FGF14: variants seen among roughly 807,000 people sequenced by gnomAD.
FGF14 encodes fibroblast growth factor homologous factor 4.
Under a neutral mutation model 25.5 loss-of-function variants are expected in FGF14, and 5 were observed. The observed-to-expected ratio is 0.20, with a 90% CI of 0.10 to 0.41. The LOEUF (loss-of-function observed/expected upper bound fraction) is 0.41. Among genes scored for constraint, FGF14 ranks in the 10% least tolerant of loss-of-function variants. The pLI, the probability that FGF14 is intolerant of heterozygous loss-of-function variation, is 1.00. For synonymous variants in FGF14, 138 were observed against 118.3 expected (o/e 1.17, Z -1.08); for missense variants, 222 against 320.1 (o/e 0.69, Z 2.34).
At chr13:102,343,232 G>C (rs2057005527) in intron 1 of FGF14, among the ~76,000 whole-genome samples, 1 of 152,176 alleles carries the variant, frequency 6.6e-6, no homozygotes, top group Non-Finnish European at 1.5e-5. Context: ...AGAGAGAAGG[G>C]TAATTGAATA....
At chr13:101,969,374 T>C (rs553423801) in intron 1 of FGF14, among the ~76,000 whole-genome samples, 5 of 152,208 alleles carry the variant, frequency 3.3e-5, no homozygotes, top group Middle Eastern at 3.4e-3. Flanking sequence ...CCATCCTGGC[T>C]AACACGGTGA....
At chr13:102,037,002 C>T (rs1186047646) in intron 1 of FGF14, among the ~76,000 whole-genome samples, 1 of 152,048 alleles carries the variant, frequency 6.6e-6, no homozygotes, top group Non-Finnish European at 1.5e-5. Flanking sequence ...GGCATCCTTT[C>T]CAAATTCTAT....
chr13:102,240,367 A>G (rs1234026719), intron 1 of FGF14, among the ~76,000 whole-genome samples: 1 of 152,210 alleles, frequency 6.6e-6, no homozygotes, highest in Non-Finnish European at 1.5e-5. Context: ...CACATTATAT[A>G]ATAAAGACAT....
At chr13:102,062,786 A>G (rs2042745002) in intron 1 of FGF14, among the ~76,000 whole-genome samples, 1 of 152,198 alleles carries the variant, frequency 6.6e-6, no homozygotes, top group South Asian at 2.1e-4. Flanking sequence ...ATTATGGAAT[A>G]TACTCTCAAT....
intron 3 of FGF14, among the ~76,000 whole-genome samples, chr13:101,838,048 G>C (rs1048009828): frequency 3.3e-5 from 5 of 151,940 alleles, no homozygotes; most frequent in African/African-American, 1.2e-4. Flanking sequence ...AAGTTCTTCA[G>C]CTTTGGGATT....
intron 3 of FGF14, among the ~76,000 whole-genome samples, chr13:101,802,772 A>C (rs1191704376): frequency 1.3e-5 from 2 of 152,216 alleles, no homozygotes; most frequent in Non-Finnish European, 2.9e-5. Context: ...TGTTTCTGGC[A>C]TTTAAAAACA....
intron 1 of FGF14, among the ~76,000 whole-genome samples, chr13:101,966,569 G>A (rs184715668): frequency 2.6e-5 from 4 of 152,040 alleles, no homozygotes; most frequent in Non-Finnish European, 4.4e-5. Context: ...TGCAACCTCC[G>A]CCTCCCAGGT....
intron 3 of FGF14, among the ~76,000 whole-genome samples, chr13:101,850,487 TATATATATATATATATATATATATATA>T (rs1566311013): frequency 0.33 from 584 of 1,744 alleles, 113 homozygotes; most frequent in African/African-American, 0.48. Flanking sequence ...TATATATATA[TATATATATATATATATATATATATATA>T]GAATTATATA....
intron 1 of FGF14, among the ~76,000 whole-genome samples, chr13:102,333,586 A>G (rs1205586365): frequency 1.3e-5 from 2 of 152,332 alleles, no homozygotes; most frequent in East Asian, 3.9e-4. Context: ...TGTCAGAGAT[A>G]TTCAGCATGG....
chr13:102,232,193 G>A (rs1466686590), intron 1 of FGF14, among the ~76,000 whole-genome samples: 1 of 152,072 alleles, frequency 6.6e-6, no homozygotes, highest in Non-Finnish European at 1.5e-5. Flanking sequence ...CCTAACTACA[G>A]TTAACATTAA....
intron 3 of FGF14, among the ~76,000 whole-genome samples, chr13:101,777,863 C>T (rs1391673549): frequency 6.6e-6 from 1 of 152,128 alleles, no homozygotes; most frequent in South Asian, 2.1e-4. Flanking sequence ...AGTCGGGAGG[C>T]TAGGGTAGGA....
chr13:102,166,347 C>T (rs9518644), intron 1 of FGF14, among the ~76,000 whole-genome samples: 29,823 of 151,614 alleles, frequency 0.2, 3,142 homozygotes, highest in Admixed American at 0.25. Context: ...ATTTATTTTA[C>T]AATTTATATT....
intron 1 of FGF14, among the ~76,000 whole-genome samples, chr13:102,195,385 A>G (rs2049304522): frequency 6.6e-6 from 1 of 152,188 alleles, no homozygotes; most frequent in African/African-American, 2.4e-5. Flanking sequence ...TAGCAGCAAA[A>G]TTTTATATAC....
chr13:101,958,956 C>T (rs940413232), intron 1 of FGF14, among the ~76,000 whole-genome samples: 5 of 152,172 alleles, frequency 3.3e-5, no homozygotes, highest in Admixed American at 3.3e-4. Context: ...TTGAGATACA[C>T]AATCAGAGAT....
intron 3 of FGF14, among the ~76,000 whole-genome samples, chr13:101,854,163 A>G (rs895143426): frequency 6.6e-6 from 1 of 152,116 alleles, no homozygotes; most frequent in Admixed American, 6.6e-5. Flanking sequence ...TGTGCGTACA[A>G]TTTAGAAGAA....
At chr13:101,894,271 G>A (rs1180772429) in intron 1 of FGF14, among the ~76,000 whole-genome samples, 2 of 152,176 alleles carry the variant, frequency 1.3e-5, no homozygotes, top group African/African-American at 4.8e-5. Context: ...ATGGTTAGGT[G>A]AGAGAAAAGG....
At chr13:102,135,448 G>A (rs2046373337) in intron 1 of FGF14, among the ~76,000 whole-genome samples, 1 of 152,080 alleles carries the variant, frequency 6.6e-6, no homozygotes, top group African/African-American at 2.4e-5. Flanking sequence ...TTACAGGAAT[G>A]CAATTACAAA....
chr13:102,229,325 GA>G (rs2050971851), intron 1 of FGF14, among the ~76,000 whole-genome samples: 1 of 152,192 alleles, frequency 6.6e-6, no homozygotes, highest in Admixed American at 6.6e-5. Context: ...ACTCCATGCA[GA>G]AAATCTCACA....
Position 102,323,507 on chromosome 13 carries a change from T to C in FGF14, c.208+77964A>G, listed in dbSNP as rs543640760. Among the ~76,000 whole-genome samples, 26 of 152,316 alleles carry C rather than the reference T, an allele frequency of 1.7e-4. No individual in the cohort carries two copies. The South Asian group carries it at 5.0e-3, about 29-fold the overall frequency. On this transcript the variant is annotated intron_variant, in intron 1 of 4. Transcript: ENST00000376131. ...TTTCACCATTTGAAAGGCATTGATA[T>C]GACATTGGTAAAGATCAAAAGCTTA...
Sources: gnomAD v4.1 joint callset for allele counts (sites outside exome capture counted in the v4.1 genomes callset) on GRCh38, gnomAD v4.1.1 for gene constraint, MANE v1.5 for transcripts, NCBI Gene and HGNC (gene_info 2026-07-23, HGNC 2026-07-21) for gene names.